Variants in PPP2R2B observed in about 807,000 individuals in gnomAD.
The protein encoded by PPP2R2B is protein phosphatase 2 regulatory subunit Bbeta.
In PPP2R2B, 5 loss-of-function variants were observed where a neutral mutation model predicts 46.0. The observed-to-expected ratio is 0.11, with a 90% CI of 0.06 to 0.23. The LOEUF is 0.23. Among genes scored for constraint, PPP2R2B ranks in the 10% least tolerant of loss-of-function variants. The probability of loss-of-function intolerance (pLI) is 1.00; values close to 1 mark genes in which losing one functional copy is unlikely to be tolerated. For missense variants in PPP2R2B, 367 were observed against 575.0 expected (o/e 0.64, Z 3.70); for synonymous variants, 215 against 206.7 (o/e 1.04, Z -0.34).
At chr5:146,919,565 C>T (rs935139660) in intron 1 of PPP2R2B, 2 of 152,196 alleles carry the variant, frequency 1.3e-5, no homozygotes, top group Non-Finnish European at 2.9e-5. Context: ...AGCAACAGAC[C>T]ACCCAGCTGA....
chr5:146,760,004 T>C (rs1157026800), intron 2 of PPP2R2B, among the ~76,000 whole-genome samples: 1 of 152,192 alleles, frequency 6.6e-6, no homozygotes, highest in African/African-American at 2.4e-5. Context: ...CTGATAATCT[T>C]AAATAACTTT....
intron 7 of PPP2R2B, among the ~76,000 whole-genome samples, chr5:146,631,950 C>T (rs1448099116): frequency 6.6e-6 from 1 of 152,122 alleles, no homozygotes; most frequent in Non-Finnish European, 1.5e-5. Context: ...TCAGCACCTG[C>T]CCAGGCTTCT....
rs1180681592 is a variant in PPP2R2B, at chr5:146,976,985, C to A, written c.79+78680G>T. On this transcript the variant is annotated intron_variant, in intron 1 of 8. Transcript: ENST00000336640. ...TATATATGTTTCTCCTGTAGTATAGCCCATTTCATATAATAACAACTTCAT... is the reference window on the plus strand; with the variant it reads ...TATATATGTTTCTCCTGTAGTATAGACCATTTCATATAATAACAACTTCAT... 2.6e-5 allele frequency among the ~76,000 whole-genome samples: 4 copies of A among 152,014 alleles called. No homozygotes were observed. In the South Asian group the frequency reaches 6.2e-4, roughly 24 times the overall value.
Position 146,924,705 on chromosome 5 carries a change from T to A in PPP2R2B, c.79+130960A>T, listed in dbSNP as rs77277551. On this transcript the variant is annotated intron_variant, in intron 1 of 8. Coordinates refer to the PPP2R2B transcript ENST00000336640. ...GAAATACTTTTTGAATAAGGGACCA[T>A]AACTTTTCATTTTGCTTTGTGTCCA... Among the ~76,000 whole-genome samples, 858 of 152,262 alleles carry A rather than the reference T, an allele frequency of 5.6e-3. 29 individuals are homozygous for A. In the East Asian group the frequency reaches 0.067, roughly 12 times the overall value.
At chr5:146,608,503 A>G (rs1016001218) in intron 7 of PPP2R2B, among the ~76,000 whole-genome samples, 6 of 152,198 alleles carry the variant, frequency 3.9e-5, no homozygotes, top group Admixed American at 6.5e-5. Flanking sequence ...AGCAAATAAG[A>G]CATGTAGCAC....
At chr5:147,044,469 A>G (rs1006733477) in intron 1 of PPP2R2B, among the ~76,000 whole-genome samples, 1 of 152,180 alleles carries the variant, frequency 6.6e-6, no homozygotes, top group African/African-American at 2.4e-5. Flanking sequence ...AGACTGGGGC[A>G]GCTCTGTTTT....
Position 146,623,240 on chromosome 5 carries a change from T to C in PPP2R2B, c.790+15011A>G, listed in dbSNP as rs371928200. Among the ~76,000 whole-genome samples the C allele has an allele frequency of 1.6e-4, 24 of 152,366 alleles. 1 individual carries two copies. The South Asian group carries it at 4.1e-3, about 26-fold the overall frequency. On this transcript the variant is annotated intron_variant, in intron 7 of 9. Coordinates refer to ENST00000394411, the MANE Select transcript of PPP2R2B (RefSeq NM_181675.4). ...AGAACTTTTGGGTACACATAGGATA[T>C]GCTGAGGATAAGAACATTTGAAATC...
intron 2 of PPP2R2B, among the ~76,000 whole-genome samples, chr5:146,772,731 G>A (rs1754946933): frequency 6.6e-6 from 1 of 152,076 alleles, no homozygotes; most frequent in South Asian, 2.1e-4. Flanking sequence ...GTCTTCATCT[G>A]CTTTATTTAT....
At chr5:146,873,982 G>A (rs319218) in intron 2 of PPP2R2B, among the ~76,000 whole-genome samples, 4,075 of 152,078 alleles carry the variant, frequency 0.027, 205 homozygotes, top group African/African-American at 0.093. Flanking sequence ...CTGGGCTTTT[G>A]TACCTATTGT....
At chr5:146,946,192 A>T (rs1353714782) in intron 1 of PPP2R2B, among the ~76,000 whole-genome samples, 1 of 152,182 alleles carries the variant, frequency 6.6e-6, no homozygotes, top group African/African-American at 2.4e-5. Context: ...TAGCGAGTAT[A>T]GCCCAACTAC....
chr5:146,942,379 G>A (rs1215139153), intron 1 of PPP2R2B, among the ~76,000 whole-genome samples: 1 of 152,120 alleles, frequency 6.6e-6, no homozygotes, highest in Non-Finnish European at 1.5e-5. Context: ...CAAAACAAAT[G>A]TTCTTTTCTT....
At chr5:146,765,791 A>C (rs1754440553) in intron 2 of PPP2R2B, among the ~76,000 whole-genome samples, 1 of 152,170 alleles carries the variant, frequency 6.6e-6, no homozygotes, top group Non-Finnish European at 1.5e-5. Context: ...GAGCTTTTGG[A>C]TTTAGACAAA....
At chr5:146,874,952 T>A (rs1321553191) in intron 2 of PPP2R2B, among the ~76,000 whole-genome samples, 2 of 152,248 alleles carry the variant, frequency 1.3e-5, no homozygotes, top group Non-Finnish European at 2.9e-5. Flanking sequence ...TTATGCCTGA[T>A]GGAAATATAG....
chr5:146,874,101 C>A (rs987454455), intron 2 of PPP2R2B, among the ~76,000 whole-genome samples: 5 of 152,236 alleles, frequency 3.3e-5, no homozygotes, highest in African/African-American at 1.2e-4. Flanking sequence ...TAAATTAGAT[C>A]CACCTTTCCA....
At position 146,618,669 on chromosome 5, in the gene PPP2R2B, G is replaced by C. The variant is rs149464981; in HGVS notation, c.791-18209C>G. On this transcript the variant is annotated intron_variant, in intron 7 of 9. Coordinates refer to ENST00000394411, the MANE Select transcript of PPP2R2B (RefSeq NM_181675.4). ...ACAGCTGGACAGGGAAGGCAGGCCA[G>C]AGCGGGCTGCTTCTGGGCAGAGGCC... Among the ~76,000 whole-genome samples, 113 of 152,304 alleles carry C rather than the reference G, an allele frequency of 7.4e-4. 1 individual carries two copies. Among genetic ancestry groups the C allele is most frequent in the African/African-American group, 2.6e-3 (108 of 41,546 alleles).
intron 1 of PPP2R2B, among the ~76,000 whole-genome samples, chr5:147,038,216 C>G (rs889489899): frequency 6.6e-6 from 1 of 152,142 alleles, no homozygotes; most frequent in African/African-American, 2.4e-5. Context: ...ATTGAACAAG[C>G]AGGCCAAATC....
At chr5:146,654,067 G>A (rs928123526) in intron 5 of PPP2R2B, among the ~76,000 whole-genome samples, 8 of 152,236 alleles carry the variant, frequency 5.3e-5, no homozygotes, top group African/African-American at 7.2e-5. Flanking sequence ...AAGGAGATCC[G>A]GACACTATTC....
intron 2 of PPP2R2B, among the ~76,000 whole-genome samples, chr5:146,795,745 A>G (rs1332180394): frequency 6.6e-6 from 1 of 152,196 alleles, no homozygotes; most frequent in Non-Finnish European, 1.5e-5. Context: ...CACTAGGTAT[A>G]GTATATCAAA....
At position 146,581,372 on chromosome 5, in the gene PPP2R2B, C is replaced by T. The variant is rs996252019; in HGVS notation, c.*8575G>A. ...TCTCGTGAGAACTTACTCACTATCA[C>T]GAGAATAGCACCAAGAAGATGGTGC... On this transcript the variant is annotated 3_prime_UTR_variant, in exon 10 of 10. Coordinates refer to ENST00000394411, the MANE Select transcript of PPP2R2B (RefSeq NM_181675.4). 6 of 152,042 alleles carry T rather than the reference C, an allele frequency of 3.9e-5. No homozygotes were observed. Among genetic ancestry groups the T allele is most frequent in the African/African-American group, 7.3e-5 (3 of 41,374 alleles). 9.4% of individuals were successfully genotyped at this position (152,042 alleles called of 1,614,324 possible).
Sources: gnomAD v4.1 joint callset for allele counts (sites outside exome capture counted in the v4.1 genomes callset) on GRCh38, gnomAD v4.1.1 for gene constraint, MANE v1.5 for transcripts, NCBI Gene and HGNC (gene_info 2026-07-23, HGNC 2026-07-21) for gene names.